Variants in SLC24A2 observed in about 807,000 individuals in gnomAD.
SLC24A2 encodes sodium/potassium/calcium exchanger 2.
Under a neutral mutation model 62.0 loss-of-function variants are expected in SLC24A2, and 36 were observed. That is an observed-to-expected ratio of 0.58 (90% confidence interval 0.44 to 0.77). The LOEUF (loss-of-function observed/expected upper bound fraction) is 0.77, where lower values mean the gene tolerates loss of function less well. Ranked by LOEUF, SLC24A2 falls within the 30% of genes least tolerant of loss-of-function variation. SLC24A2 has a pLI of 0.00. For missense variants in SLC24A2, 846 were observed against 817.9 expected (o/e 1.03, Z -0.42); for synonymous variants, 358 against 294.0 (o/e 1.22, Z -2.23).
the SLC24A2 span, among the ~76,000 whole-genome samples, chr9:19,857,224 A>C: frequency 3.3e-4 from 50 of 152,176 alleles, no homozygotes; most frequent in African/African-American, 1.1e-3. Flanking sequence ...ACTTCTTTGC[A>C]TCATTCCCAA....
chr9:20,135,391 A>G, the SLC24A2 span, among the ~76,000 whole-genome samples: 1 of 149,970 alleles, frequency 6.7e-6, no homozygotes, highest in South Asian at 2.1e-4. Context: ...TAAAATTTTC[A>G]TTTTTAATTA....
intron 8 of SLC24A2, among the ~76,000 whole-genome samples, chr9:19,535,852 T>G (rs766272866): frequency 6.6e-6 from 1 of 152,166 alleles, no homozygotes; most frequent in African/African-American, 2.4e-5. Context: ...ATATGAACTT[T>G]AAAGCAGTTT....
At chr9:19,812,247 T>C in the SLC24A2 span, among the ~76,000 whole-genome samples, 132,024 of 152,106 alleles carry the variant, frequency 0.87, 58,036 homozygotes, top group Non-Finnish European at 0.95. Flanking sequence ...TTCAATCCTT[T>C]AAAATTTCTT....
chr9:20,021,574 G>A, the SLC24A2 span, among the ~76,000 whole-genome samples: 4 of 151,864 alleles, frequency 2.6e-5, no homozygotes, highest in Non-Finnish European at 2.9e-5. Flanking sequence ...GGCAACGTAG[G>A]TTCAAGCAGA....
chr9:19,714,970 T>C (rs1173585895), intron 2 of SLC24A2, among the ~76,000 whole-genome samples: 1 of 152,110 alleles, frequency 6.6e-6, no homozygotes, highest in African/African-American at 2.4e-5. Context: ...TGATACAAAG[T>C]AATCCAAGAA....
the SLC24A2 span, among the ~76,000 whole-genome samples, chr9:20,065,997 G>A: frequency 1.3e-5 from 2 of 152,290 alleles, no homozygotes; most frequent in Middle Eastern, 6.8e-3. Flanking sequence ...TGGAGTCAAT[G>A]CTGAGAGGAT....
chr9:20,032,154 C>T, the SLC24A2 span, among the ~76,000 whole-genome samples: 1 of 152,178 alleles, frequency 6.6e-6, no homozygotes, highest in South Asian at 2.1e-4. Context: ...TACCCTGGAC[C>T]TTTTTAACCG....
At chr9:19,780,403 G>A (rs1386648402) in intron 2 of SLC24A2, among the ~76,000 whole-genome samples, 1 of 151,312 alleles carries the variant, frequency 6.6e-6, no homozygotes, top group Non-Finnish European at 1.5e-5. Context: ...GAGTAGCTGG[G>A]ATTACAGGCG....
the SLC24A2 span, among the ~76,000 whole-genome samples, chr9:20,062,745 G>C: frequency 1.6e-5 from 2 of 123,936 alleles, no homozygotes; most frequent in East Asian, 3.1e-4. Context: ...CTACTCATCT[G>C]ACAAAGGGCT....
At chr9:19,980,700 T>A in the SLC24A2 span, among the ~76,000 whole-genome samples, 1 of 152,156 alleles carries the variant, frequency 6.6e-6, no homozygotes, top group African/African-American at 2.4e-5. Flanking sequence ...TAGATGGTCA[T>A]CTTACCTGCC....
At chr9:19,939,233 T>G in the SLC24A2 span, among the ~76,000 whole-genome samples, 8 of 152,340 alleles carry the variant, frequency 5.3e-5, no homozygotes, top group East Asian at 1.5e-3. Context: ...CAGTTAGGTT[T>G]TGAGAAATGT....
intron 5 of SLC24A2, among the ~76,000 whole-genome samples, chr9:19,588,205 C>T (rs1205200875): frequency 6.7e-6 from 1 of 149,706 alleles, no homozygotes; most frequent in Non-Finnish European, 1.5e-5. Context: ...CTGGATAAGG[C>T]CCAGCCTTAC....
the SLC24A2 span, among the ~76,000 whole-genome samples, chr9:19,969,429 C>T: frequency 6.6e-6 from 1 of 152,144 alleles, no homozygotes; most frequent in Non-Finnish European, 1.5e-5. Flanking sequence ...GAGTCTCATG[C>T]CAATAAAGCA....
chr9:20,118,899 T>A, the SLC24A2 span, among the ~76,000 whole-genome samples: 1 of 152,084 alleles, frequency 6.6e-6, no homozygotes, highest in African/African-American at 2.4e-5. Context: ...ATAAAATATG[T>A]CAAAGGTGGT....
intron 9 of SLC24A2, among the ~76,000 whole-genome samples, chr9:19,524,004 CTT>C (rs1193927645): frequency 6.6e-6 from 1 of 151,950 alleles, no homozygotes; most frequent in African/African-American, 2.4e-5. Flanking sequence ...CTCAAGTTAA[CTT>C]TTGTCAAATC....
intron 4 of SLC24A2, among the ~76,000 whole-genome samples, chr9:19,606,338 T>A (rs573239264): frequency 6.6e-6 from 1 of 152,334 alleles, no homozygotes. Flanking sequence ...GTTGTTATGG[T>A]CTCAGGGCCT....
At chr9:19,790,344 A>C (rs1823299918), upstream of SLC24A2, among the ~76,000 whole-genome samples, 1 of 152,196 alleles carries the variant, frequency 6.6e-6, no homozygotes, top group South Asian at 2.1e-4. Flanking sequence ...ACTCATGGAC[A>C]GTCATATTTC....
At position 19,786,601 on chromosome 9, in the gene SLC24A2, T is replaced by G; in HGVS notation, c.266A>C (p.Asp89Ala). Residue 89 changes from aspartate to alanine, a missense_variant, in exon 2 of 11, where the codon GAT (aspartate) becomes GCT (alanine). Coordinates refer to ENST00000341998, the MANE Select transcript of SLC24A2 (RefSeq NM_020344.4). This position sits in a 1 kb window ranked among gnomAD's most constrained non-coding sequence, Gnocchi z 5.0. Reference sequence around the variant, plus strand: ...ATAATCCAGAATCTTGTCATTTAAATCTAAGAGAGTTCTCTGATGGTAACC... The same window carrying G: ...ATAATCCAGAATCTTGTCATTTAAAGCTAAGAGAGTTCTCTGATGGTAACC... ...AQGYHQRTLL[D>A]LNDKILDYTP... The G allele has an allele frequency of 6.2e-7, 1 of 1,614,174 alleles. No homozygotes were observed. The highest frequency in any genetic ancestry group is 8.5e-7 in the Non-Finnish European group (1 of 1,180,024).
At chr9:20,265,043 A>G in the SLC24A2 span, among the ~76,000 whole-genome samples, 2 of 152,230 alleles carry the variant, frequency 1.3e-5, no homozygotes, top group Non-Finnish European at 2.9e-5. Flanking sequence ...CCACCTGAGG[A>G]TACATCCAGG....
Sources: allele counts gnomAD v4.1 joint callset (sites outside exome capture counted in the v4.1 genomes callset), GRCh38; gene constraint gnomAD v4.1.1; non-coding constraint Gnocchi (gnomAD v3.1); transcripts MANE v1.5; gene names NCBI Gene and HGNC (gene_info 2026-07-23, HGNC 2026-07-21).